ROBO2: variants seen among roughly 807,000 people sequenced by gnomAD.
The protein encoded by ROBO2 is roundabout homolog 2.
In ROBO2, 53 loss-of-function variants were observed where a neutral mutation model predicts 160.8. The observed-to-expected ratio is 0.33, with a 90% CI of 0.26 to 0.41. The LOEUF (loss-of-function observed/expected upper bound fraction) is 0.41, where lower values mean the gene tolerates loss of function less well. Among genes scored for constraint, ROBO2 ranks in the 10% least tolerant of loss-of-function variants. The pLI is 1.00. For synonymous variants in ROBO2, 664 were observed against 611.7 expected (o/e 1.09, Z -1.26); for missense variants, 1,577 against 1,722.4 (o/e 0.92, Z 1.49).
intron 2 of ROBO2, among the ~76,000 whole-genome samples, chr3:76,304,629 G>T (rs1011897759): frequency 7.2e-5 from 11 of 152,028 alleles, no homozygotes; most frequent in Admixed American, 4.6e-4. Flanking sequence ...CCAAGTTAAT[G>T]AGAAGGAAAG....
At chr3:77,289,967 T>A (rs1431726512) in intron 2 of ROBO2, among the ~76,000 whole-genome samples, 1,574 of 90,146 alleles carry the variant, frequency 0.017, no homozygotes, top group Middle Eastern at 0.081. Flanking sequence ...CCCCAGACAT[T>A]AAGTAAAATT....
intron 2 of ROBO2, among the ~76,000 whole-genome samples, chr3:76,860,020 A>G (rs1285677771): frequency 2.6e-5 from 4 of 152,170 alleles, no homozygotes; most frequent in Admixed American, 2.0e-4. Context: ...CAAAATCATT[A>G]CCTACCTTTG....
chr3:76,346,017 C>T (rs1419452640), intron 2 of ROBO2, among the ~76,000 whole-genome samples: 1 of 151,982 alleles, frequency 6.6e-6, no homozygotes, highest in East Asian at 1.9e-4. Flanking sequence ...TATGGGGGTT[C>T]TAAAATGGAT....
At chr3:77,133,196 T>C (rs767931723) in intron 2 of ROBO2, among the ~76,000 whole-genome samples, 3 of 152,194 alleles carry the variant, frequency 2.0e-5, no homozygotes, top group Non-Finnish European at 4.4e-5. Context: ...AAAAAGCTGT[T>C]AGAGATTTGA....
intron 1 of ROBO2, among the ~76,000 whole-genome samples, chr3:77,054,857 T>A (rs13318191): frequency 0.03 from 4,505 of 152,084 alleles, 227 homozygotes; most frequent in African/African-American, 0.1. Context: ...TGAAAGCAGA[T>A]GGGCATCCTG....
In ROBO2 at chr3:75,922,552, T is replaced by C. The variant is rs192302168; in HGVS notation, c.-13-14929T>C. Among the ~76,000 whole-genome samples the C allele has an allele frequency of 3.7e-3, 555 of 151,796 alleles. 8 individuals are homozygous for C. The highest frequency in any genetic ancestry group is 0.026 in the Admixed American group (402 of 15,236). ...CATAAATAAATGATTAGTAGTCCAA[T>C]AAAAAAAGACAAAGTACATTGACAG... On this transcript the variant is annotated intron_variant, in intron 1 of 26. Coordinates refer to the ROBO2 transcript ENST00000487694.
chr3:76,186,226 C>A (rs1163660804), intron 2 of ROBO2, among the ~76,000 whole-genome samples: 1 of 151,956 alleles, frequency 6.6e-6, no homozygotes, highest in African/African-American at 2.4e-5. Flanking sequence ...ATCCACCATG[C>A]CTGACCCACA....
At chr3:76,069,659 T>C (rs2068380354) in intron 2 of ROBO2, among the ~76,000 whole-genome samples, 1 of 151,912 alleles carries the variant, frequency 6.6e-6, no homozygotes, top group African/African-American at 2.4e-5. Flanking sequence ...TCCTAAACTG[T>C]ATTTAGTAAA....
Position 76,102,114 on chromosome 3 carries a change from C to T in ROBO2, c.109+164512C>T, listed in dbSNP as rs998302692. Among the ~76,000 whole-genome samples, 5 of 152,028 alleles carry T rather than the reference C, an allele frequency of 3.3e-5. No individual in the cohort carries two copies. The East Asian group carries it at 9.7e-4, about 30-fold the overall frequency. ...GTGTCCATGTGTTCCCATTGTAGTT[C>T]TTTTAAGTCTGGAGCTGCATCGTTT... On this transcript the variant is annotated intron_variant, in intron 2 of 26. Transcript: ENST00000487694.
intron 2 of ROBO2, among the ~76,000 whole-genome samples, chr3:76,196,491 T>G (rs970684388): frequency 4.6e-5 from 7 of 152,236 alleles, no homozygotes; most frequent in Non-Finnish European, 1.0e-4. Flanking sequence ...CCTAAGTGAC[T>G]GAACATCCAC....
intron 2 of ROBO2, among the ~76,000 whole-genome samples, chr3:76,299,818 A>G (rs1214102222): frequency 6.6e-6 from 1 of 152,156 alleles, no homozygotes; most frequent in Non-Finnish European, 1.5e-5. Flanking sequence ...TTCTACACCT[A>G]CAAAGATGGG....
intron 2 of ROBO2, among the ~76,000 whole-genome samples, chr3:76,797,229 A>G (rs1268977722): frequency 1.3e-5 from 2 of 152,128 alleles, no homozygotes; most frequent in Admixed American, 6.5e-5. Context: ...TCAGAAAAAC[A>G]TGATATCATA....
chr3:77,003,562 T>C (rs772897438), intron 2 of ROBO2, among the ~76,000 whole-genome samples: 1 of 152,092 alleles, frequency 6.6e-6, no homozygotes, highest in Non-Finnish European at 1.5e-5. Flanking sequence ...AATTTTTTCT[T>C]TGTTCGTTTG....
At chr3:76,318,970 T>C (rs1469972533) in intron 2 of ROBO2, among the ~76,000 whole-genome samples, 2 of 152,146 alleles carry the variant, frequency 1.3e-5, no homozygotes, top group Non-Finnish European at 2.9e-5. Flanking sequence ...GGGGATATTT[T>C]AGCTGTTAAG....
chr3:76,139,024 C>T (rs983769205), intron 2 of ROBO2, among the ~76,000 whole-genome samples: 11 of 152,052 alleles, frequency 7.2e-5, no homozygotes, highest in Admixed American at 5.9e-4. Flanking sequence ...CTCTGATTTC[C>T]GATAAAGATT....
chr3:77,305,195 A>G (rs1027945691), intron 2 of ROBO2, among the ~76,000 whole-genome samples: 1 of 152,230 alleles, frequency 6.6e-6, no homozygotes, highest in Non-Finnish European at 1.5e-5. Flanking sequence ...CATTTGAAAA[A>G]TAAATAATCT....
At chr3:76,201,889 CAAAAAAAAAAAA>C (rs3039047) in intron 2 of ROBO2, among the ~76,000 whole-genome samples, 1 of 105,582 alleles carries the variant, frequency 9.5e-6, no homozygotes, top group Non-Finnish European at 1.9e-5. Context: ...CGAGAAATGT[CAAAAAAAAAAAA>C]AAAAAAAAAA....
intron 2 of ROBO2, among the ~76,000 whole-genome samples, chr3:75,958,404 G>A (rs1948792006): frequency 6.6e-6 from 1 of 151,812 alleles, no homozygotes; most frequent in Admixed American, 6.6e-5. Context: ...TGGAGCTTAT[G>A]CTTTAGTGGA....
At chr3:76,555,036 T>C (rs1449442618) in intron 2 of ROBO2, among the ~76,000 whole-genome samples, 1 of 151,908 alleles carries the variant, frequency 6.6e-6, no homozygotes, top group Non-Finnish European at 1.5e-5. Flanking sequence ...TATTTAAAAG[T>C]GTAAAATGTT....
Sources: gnomAD v4.1 joint callset for allele counts (sites outside exome capture counted in the v4.1 genomes callset) on GRCh38, gnomAD v4.1.1 for gene constraint, MANE v1.5 for transcripts, NCBI Gene and HGNC (gene_info 2026-07-23, HGNC 2026-07-21) for gene names.